Variants in CSMD1 observed in about 807,000 individuals in gnomAD.
CSMD1 encodes the protein CUB and Sushi multiple domains 1, also known as CUB and sushi domain-containing protein 1.
In CSMD1, 213 loss-of-function variants were observed where a neutral mutation model predicts 417.5. That is an observed-to-expected ratio of 0.51 (90% confidence interval 0.46 to 0.57). The LOEUF (loss-of-function observed/expected upper bound fraction) is 0.57, where lower values mean the gene tolerates loss of function less well. Ranked by LOEUF, CSMD1 falls within the 20% of genes least tolerant of loss-of-function variation. The pLI, the probability that CSMD1 is intolerant of heterozygous loss-of-function variation, is 0.00. For synonymous variants in CSMD1, 2,862 were observed against 1,736.8 expected (o/e 1.65, Z -16.11); for missense variants, 6,923 against 4,529.7 (o/e 1.53, Z -15.17).
chr8:4,619,550 T>C (rs928075854), intron 2 of CSMD1, among the ~76,000 whole-genome samples: 5 of 152,170 alleles, frequency 3.3e-5, no homozygotes, highest in Non-Finnish European at 7.4e-5. Context: ...CTCTAATGCA[T>C]CTTGCATTAG....
intron 5 of CSMD1, among the ~76,000 whole-genome samples, chr8:3,987,712 G>A (rs753924458): frequency 4.6e-5 from 7 of 152,314 alleles, no homozygotes; most frequent in South Asian, 2.1e-4. Context: ...AAGGTGGAAC[G>A]AGGTCACTAG....
rs192136401 is a variant in CSMD1, at chr8:4,297,179, C to T, written c.415+122774G>A. On this transcript the variant is annotated intron_variant, in intron 3 of 69. Transcript: ENST00000635120. ...TAAAATAGTCATGAATATACTTTTA[C>T]AATCTAGAAATGTATTTTTTTAAAT... Among the ~76,000 whole-genome samples, 426 of 152,086 alleles carry T rather than the reference C, an allele frequency of 2.8e-3. 1 individual carries two copies. Among genetic ancestry groups the T allele is most frequent in the African/African-American group, 9.7e-3 (402 of 41,490 alleles).
intron 5 of CSMD1, among the ~76,000 whole-genome samples, chr8:3,969,416 T>C (rs1217837269): frequency 2.6e-5 from 4 of 152,184 alleles, no homozygotes; most frequent in African/African-American, 9.7e-5. Flanking sequence ...TCCTCTTCCA[T>C]GCAGCAGCCT....
chr8:4,673,610 T>C (rs1805488193), intron 1 of CSMD1, among the ~76,000 whole-genome samples: 1 of 152,166 alleles, frequency 6.6e-6, no homozygotes, highest in Non-Finnish European at 1.5e-5. Context: ...ATTCACAGAC[T>C]ACCTCTATTC....
chr8:4,503,246 T>G (rs1015634134), intron 2 of CSMD1, among the ~76,000 whole-genome samples: 1 of 152,166 alleles, frequency 6.6e-6, no homozygotes, highest in Non-Finnish European at 1.5e-5. Context: ...CTATGATCAT[T>G]GCACTTTGCC....
chr8:4,094,652 T>C (rs1800904923), intron 3 of CSMD1, among the ~76,000 whole-genome samples: 1 of 152,042 alleles, frequency 6.6e-6, no homozygotes, highest in South Asian at 2.1e-4. Flanking sequence ...CATGTGGAAG[T>C]AGCGACCGCA....
chr8:4,370,630 T>C (rs774323758), intron 3 of CSMD1, among the ~76,000 whole-genome samples: 41 of 152,250 alleles, frequency 2.7e-4, no homozygotes, highest in Non-Finnish European at 3.7e-4. Context: ...TTGTCCATTT[T>C]TAAAAATTCA....
At chr8:3,493,030 C>T (rs1458239596) in intron 11 of CSMD1, among the ~76,000 whole-genome samples, 4 of 151,916 alleles carry the variant, frequency 2.6e-5, no homozygotes, top group East Asian at 3.9e-4. Flanking sequence ...CGGTGGTTCA[C>T]ACCTGTAATC....
chr8:4,542,899 T>C (rs949648689), intron 2 of CSMD1, among the ~76,000 whole-genome samples: 3 of 152,202 alleles, frequency 2.0e-5, no homozygotes, highest in East Asian at 3.8e-4. Context: ...ATTAGCATTT[T>C]TGAATATTTA....
At chr8:3,881,314 A>T (rs1806188159) in intron 5 of CSMD1, among the ~76,000 whole-genome samples, 1 of 151,244 alleles carries the variant, frequency 6.6e-6, no homozygotes, top group African/African-American at 2.4e-5. Context: ...CCATTGAAGC[A>T]AAGAAGACTG....
chr8:3,239,274 T>C (rs1799345933), intron 26 of CSMD1, among the ~76,000 whole-genome samples: 1 of 152,122 alleles, frequency 6.6e-6, no homozygotes, highest in South Asian at 2.1e-4. Flanking sequence ...CTGATTTGAC[T>C]AATAAAGGCC....
At chr8:4,312,678 A>G (rs1798696443) in intron 3 of CSMD1, among the ~76,000 whole-genome samples, 1 of 151,734 alleles carries the variant, frequency 6.6e-6, no homozygotes, top group Non-Finnish European at 1.5e-5. Context: ...GGAGTTTGAG[A>G]CCAGCCTGGC....
intron 5 of CSMD1, among the ~76,000 whole-genome samples, chr8:3,884,336 A>C (rs538444283): frequency 6.6e-6 from 1 of 152,334 alleles, no homozygotes; most frequent in South Asian, 2.1e-4. Flanking sequence ...AAACTTGCAT[A>C]AAGTAATCAA....
At chr8:4,127,058 C>T (rs17069056) in intron 3 of CSMD1, among the ~76,000 whole-genome samples, 2,602 of 148,038 alleles carry the variant, frequency 0.018, 68 homozygotes, top group African/African-American at 0.061. Context: ...CAAGTTTTAG[C>T]CAAAAATCAG....
intron 7 of CSMD1, among the ~76,000 whole-genome samples, chr8:3,673,840 A>T (rs1395901645): frequency 1.3e-5 from 2 of 152,282 alleles, no homozygotes; most frequent in East Asian, 3.9e-4. Flanking sequence ...CTGGAGGGCC[A>T]GGCATGGTGG....
intron 41 of CSMD1, among the ~76,000 whole-genome samples, chr8:3,120,563 T>C (rs535260851): frequency 1.2e-4 from 18 of 152,246 alleles, no homozygotes; most frequent in African/African-American, 4.1e-4. Flanking sequence ...AATGACAATG[T>C]GCAGGCTGGG....
In CSMD1 at chr8:3,791,447, T is replaced by G. The variant is rs535023051; in HGVS notation, c.819-37405A>C. Among the ~76,000 whole-genome samples the G allele has an allele frequency of 1.6e-4, 24 of 152,332 alleles. No homozygotes were observed. The South Asian group carries it at 4.8e-3, about 30-fold the overall frequency. ...TATTTCTCACAGCATCCTAGCATAG[T>G]GCTGATACGTAGCTTGTAATACGTT... On this transcript the variant is annotated intron_variant, in intron 5 of 69. Coordinates refer to ENST00000635120, the MANE Select transcript of CSMD1 (RefSeq NM_033225.6).
At chr8:4,442,432 G>A (rs981153073) in intron 2 of CSMD1, among the ~76,000 whole-genome samples, 23 of 152,174 alleles carry the variant, frequency 1.5e-4, no homozygotes, top group African/African-American at 5.5e-4. Flanking sequence ...AACATATAAA[G>A]CCCAGTTCTA....
intron 5 of CSMD1, among the ~76,000 whole-genome samples, chr8:3,914,721 C>G (rs900001934): frequency 6.6e-6 from 1 of 150,888 alleles, no homozygotes; most frequent in Non-Finnish European, 1.5e-5. Flanking sequence ...TTGACTATCC[C>G]TTTTTTTTTC....
Sources: gnomAD v4.1 joint callset for allele counts (sites outside exome capture counted in the v4.1 genomes callset) on GRCh38, gnomAD v4.1.1 for gene constraint, MANE v1.5 for transcripts, NCBI Gene and HGNC (gene_info 2026-07-23, HGNC 2026-07-21) for gene names.